NXPE2: variants seen among roughly 807,000 people sequenced by gnomAD.
The protein encoded by NXPE2 is NXPE family member 2.
Under a neutral mutation model 34.4 loss-of-function variants are expected in NXPE2, and 34 were observed. The ratio of observed to expected loss-of-function variants is 0.99; its 90% CI spans 0.75 to 1.31. The LOEUF (loss-of-function observed/expected upper bound fraction) is 1.31, where lower values mean the gene tolerates loss of function less well. Among genes scored for constraint, NXPE2 ranks in the 40% most tolerant of loss-of-function variants. The pLI, the probability that NXPE2 is intolerant of heterozygous loss-of-function variation, is 0.00. For missense variants in NXPE2, 649 were observed against 672.5 expected (o/e 0.97, Z 0.39); for synonymous variants, 235 against 231.3 (o/e 1.02, Z -0.15).
At chr11:114,757,109 T>C in the NXPE2 span, among the ~76,000 whole-genome samples, 4 of 152,130 alleles carry the variant, frequency 2.6e-5, no homozygotes, top group Non-Finnish European at 4.4e-5. Flanking sequence ...TACCAATCAA[T>C]TGGTGTTGGC....
chr11:114,629,944 C>T, the NXPE2 span, among the ~76,000 whole-genome samples: 1 of 149,846 alleles, frequency 6.7e-6, no homozygotes, highest in East Asian at 1.9e-4. Flanking sequence ...TAATAAAATA[C>T]CTAGGAATCC....
At chr11:114,530,778 A>G in the NXPE2 span, 3 of 1,614,032 alleles carry the variant, frequency 1.9e-6, no homozygotes, top group African/African-American at 1.3e-5. Context: ...TAGTTTCTCT[A>G]TGATTTCCTT....
the NXPE2 span, among the ~76,000 whole-genome samples, chr11:114,671,339 A>AGAC: frequency 9.7e-4 from 4 of 4,126 alleles, no homozygotes; most frequent in Non-Finnish European, 6.8e-3. Context: ...TAGAGGAATT[A>AGAC]GGAGAGGATA....
chr11:114,670,917 CA>C, the NXPE2 span, among the ~76,000 whole-genome samples: 1 of 151,296 alleles, frequency 6.6e-6, no homozygotes, highest in East Asian at 1.9e-4. Context: ...CCAAGTCAGA[CA>C]AAGACTGCAA....
At chr11:114,490,918 T>G in the NXPE2 span, among the ~76,000 whole-genome samples, 1 of 150,418 alleles carries the variant, frequency 6.6e-6, no homozygotes, top group Non-Finnish European at 1.5e-5. Flanking sequence ...ATCCCAGCAC[T>G]TTGGGAGGCC....
At chr11:114,741,223 A>T in the NXPE2 span, among the ~76,000 whole-genome samples, 1 of 58,666 alleles carries the variant, frequency 1.7e-5, no homozygotes. Flanking sequence ...CATGTATTTG[A>T]TGAGCTTCTC....
chr11:114,617,204 A>G, the NXPE2 span, among the ~76,000 whole-genome samples: 1 of 151,996 alleles, frequency 6.6e-6, no homozygotes, highest in African/African-American at 2.4e-5. Context: ...GTTGGTAACC[A>G]CTGTTACGCA....
At chr11:114,524,760 T>G in the NXPE2 span, among the ~76,000 whole-genome samples, 2 of 152,194 alleles carry the variant, frequency 1.3e-5, no homozygotes, top group African/African-American at 4.8e-5. Context: ...GTGTCAGGTA[T>G]TCATTTTGCC....
chr11:114,546,765 T>C, the NXPE2 span, among the ~76,000 whole-genome samples: 3 of 152,138 alleles, frequency 2.0e-5, no homozygotes, highest in African/African-American at 4.8e-5. Context: ...GCAGGGAATA[T>C]ACAAGATGAG....
chr11:114,757,295 T>C, the NXPE2 span, among the ~76,000 whole-genome samples: 1 of 152,052 alleles, frequency 6.6e-6, no homozygotes, highest in Non-Finnish European at 1.5e-5. Context: ...TTACTAATTA[T>C]GTATTTGTCC....
At chr11:114,518,986 T>C in the NXPE2 span, among the ~76,000 whole-genome samples, 36,851 of 152,036 alleles carry the variant, frequency 0.24, 6,641 homozygotes, top group African/African-American at 0.5. Flanking sequence ...TAATGACAGG[T>C]GTATTAATAA....
the NXPE2 span, among the ~76,000 whole-genome samples, chr11:114,574,474 G>A: frequency 3.9e-5 from 6 of 152,002 alleles, no homozygotes; most frequent in Non-Finnish European, 4.4e-5. Context: ...TAACTAAGAA[G>A]AGAGAAGATC....
the NXPE2 span, among the ~76,000 whole-genome samples, chr11:114,745,858 G>A: frequency 6.6e-6 from 1 of 152,112 alleles, no homozygotes; most frequent in African/African-American, 2.4e-5. Flanking sequence ...CAAATGTACT[G>A]TGTAGGGACG....
At chr11:114,741,414 T>TC in the NXPE2 span, among the ~76,000 whole-genome samples, 6 of 152,286 alleles carry the variant, frequency 3.9e-5, no homozygotes, top group Admixed American at 6.5e-5. Context: ...AGCTTTCTTC[T>TC]CCTTTTTCTC....
chr11:114,628,995 A>G, the NXPE2 span, among the ~76,000 whole-genome samples: 6 of 152,090 alleles, frequency 3.9e-5, no homozygotes, highest in African/African-American at 7.2e-5. Context: ...CTCTGAATAG[A>G]CCAATAACAG....
the NXPE2 span, among the ~76,000 whole-genome samples, chr11:114,569,842 C>A: frequency 6.6e-6 from 1 of 152,118 alleles, no homozygotes; most frequent in African/African-American, 2.4e-5. Flanking sequence ...TGACCCCTCA[C>A]CCCCACACTC....
At chr11:114,804,898 T>C in the NXPE2 span, among the ~76,000 whole-genome samples, 7 of 152,208 alleles carry the variant, frequency 4.6e-5, no homozygotes, top group African/African-American at 1.7e-4. Flanking sequence ...TAGACTACTA[T>C]CCAGATCCTA....
the NXPE2 span, among the ~76,000 whole-genome samples, chr11:114,666,707 G>T: frequency 3.3e-5 from 5 of 151,990 alleles, no homozygotes; most frequent in African/African-American, 1.2e-4. Flanking sequence ...AGGTATTAGG[G>T]TCTCAAATTG....
the NXPE2 span, among the ~76,000 whole-genome samples, chr11:114,772,959 T>G: frequency 1.3e-5 from 2 of 152,206 alleles, no homozygotes; most frequent in Admixed American, 6.5e-5. Flanking sequence ...TTGGAGGGCA[T>G]GCATGAAAAT....
Sources: allele counts gnomAD v4.1 joint callset (sites outside exome capture counted in the v4.1 genomes callset), GRCh38; gene constraint gnomAD v4.1.1; transcripts MANE v1.5; gene names NCBI Gene and HGNC (gene_info 2026-07-23, HGNC 2026-07-21).